The following DPP9 variants were observed in gnomAD, a reference collection of about 807,000 sequenced individuals.
DPP9 encodes the protein dipeptidyl peptidase IV-related protein-2.
DPP9 carries 50 observed loss-of-function variants against 110.7 expected under a neutral mutation model. The observed-to-expected ratio is 0.45, with a 90% CI of 0.36 to 0.57. The LOEUF (loss-of-function observed/expected upper bound fraction) is 0.57. DPP9 is among the 20% of genes least tolerant of loss of function. The pLI, the probability that DPP9 is intolerant of heterozygous loss-of-function variation, is 0.00. For missense variants in DPP9, 1,022 were observed against 1,217.9 expected (o/e 0.84, Z 2.39); for synonymous variants, 561 against 514.4 (o/e 1.09, Z -1.23).
At position 4,676,511 on chromosome 19, in the gene DPP9, C is replaced by A. The variant is rs1286027985; in HGVS notation, c.*53G>T. 10 of 1,485,390 alleles carry A rather than the reference C, an allele frequency of 6.7e-6. No individual in the cohort carries two copies. The African/African-American group carries it at 1.3e-4, about 19-fold the overall frequency. The allele number at this position is 1,485,390 out of a possible 1,614,324, so 92.0% of individuals were successfully genotyped here. On this transcript the variant is annotated 3_prime_UTR_variant, in exon 22 of 22. Transcript: ENST00000262960. This position sits in a 1 kb window ranked among gnomAD's most constrained non-coding sequence, Gnocchi z 4.0. ...ACTCAGTCCCTCCCGCCTGGTTCCC[C>A]GCGGAGGCTGCAGCCACTTGTGCTG...
intron 16 of DPP9, chr19:4,686,030 G>A (rs755088415): frequency 8.1e-5 from 34 of 417,564 alleles, no homozygotes; most frequent in Non-Finnish European, 1.4e-4. Flanking sequence ...CTCCCACCTC[G>A]GCCTCCTGTG....
intron 8 of DPP9, 61 bp from the exon 9 acceptor site, chr19:4,702,216 A>G (rs1599917974): frequency 1.3e-6 from 2 of 1,540,988 alleles, no homozygotes; most frequent in Non-Finnish European, 8.8e-7. Context: ...TGCCATCAGC[A>G]CCCCCCGCCC....
At chr19:4,723,521 G>A (rs930489467) in intron 1 of DPP9, among the ~76,000 whole-genome samples, 153 bp downstream of exon 1, 1 of 152,206 alleles carries the variant, frequency 6.6e-6, no homozygotes, top group Non-Finnish European at 1.5e-5. Flanking sequence ...ACGAGGCAGG[G>A]GGCCGGAGGG....
rs1225504183 is a variant in DPP9, at chr19:4,694,986, AAAAT to A, written c.1354-167_1354-164del. 4.6e-6 allele frequency: 3 copies of A among 649,542 alleles called. No individual in the cohort carries two copies. The highest frequency in any genetic ancestry group is 1.8e-5 in the African/African-American group (1 of 54,744). 40.2% of individuals were successfully genotyped at this position (649,542 alleles called of 1,614,324 possible). A position where few individuals can be genotyped will look rare whatever the true frequency, so the allele number is the denominator to read the frequency against. Reference sequence around the variant, plus strand: ...ACAACATAGTAAGACCCCACCTCTAAAAATAAATAAATAAATTAGCCAGGCATGG... The same window carrying A: ...ACAACATAGTAAGACCCCACCTCTAAAAATAAATAAATTAGCCAGGCATGG... On this transcript the variant is annotated intron_variant, in intron 12 of 21. Coordinates refer to ENST00000262960, the MANE Select transcript of DPP9 (RefSeq NM_139159.5). This position sits in a 1 kb window ranked among gnomAD's most constrained non-coding sequence, Gnocchi z 4.0.
In DPP9 at chr19:4,698,549, C is replaced by T. The variant is rs900095548; in HGVS notation, c.1075-898G>A. Reference sequence around the variant, plus strand: ...GGTGGATCACTTGAGGTCAGGAGTTCGAGACCAGCCTGGGGAACATGGCAA... The same window carrying T: ...GGTGGATCACTTGAGGTCAGGAGTTTGAGACCAGCCTGGGGAACATGGCAA... On this transcript the variant is annotated intron_variant, in intron 10 of 21. Coordinates refer to ENST00000262960, the MANE Select transcript of DPP9 (RefSeq NM_139159.5). The surrounding 1 kb of genome is among the most constrained non-coding windows in gnomAD (Gnocchi z 4.2). 5.3e-5 allele frequency among the ~76,000 whole-genome samples: 8 copies of T among 151,652 alleles called. No individual in the cohort carries two copies. The East Asian group carries it at 7.8e-4, about 15-fold the overall frequency.
At chr19:4,708,475 G>A (rs1017798668) in intron 4 of DPP9, among the ~76,000 whole-genome samples, 2 of 152,204 alleles carry the variant, frequency 1.3e-5, no homozygotes, top group Non-Finnish European at 2.9e-5. Context: ...TGTAGCTGTG[G>A]GTTCAGTGGG....
chr19:4,687,162 G>A lies in DPP9; in HGVS notation c.1886-1391C>T, dbSNP rs894890324. 6.6e-6 allele frequency among the ~76,000 whole-genome samples: 1 copy of A among 152,192 alleles called. No individual in the cohort carries two copies. Among genetic ancestry groups the A allele is most frequent in the Non-Finnish European group, 1.5e-5 (1 of 68,038 alleles). ...CCTGGCGGTGTCGGTGCGGACAGGA[G>A]AGTGAGGACTGGGCTCTAGAGGGAG... On this transcript the variant is annotated intron_variant, in intron 16 of 21. Transcript: ENST00000262960. This position sits in a 1 kb window ranked among gnomAD's most constrained non-coding sequence, Gnocchi z 4.7.
In DPP9 at chr19:4,685,897, G is replaced by A. The variant is rs1239036959; in HGVS notation, c.1886-126C>T. ...CACCCCCTCTTTTCCTGGGCTTCCC[G>A]AGAGTTGATAATTGAAAAAAACGTT... On this transcript the variant is annotated intron_variant, in intron 16 of 21. Transcript: ENST00000262960. This position sits in a 1 kb window ranked among gnomAD's most constrained non-coding sequence, Gnocchi z 5.8. 4.3e-6 allele frequency: 5 copies of A among 1,157,312 alleles called. No individual in the cohort carries two copies. Among genetic ancestry groups the A allele is most frequent in the South Asian group, 3.1e-5 (2 of 63,672 alleles). 71.7% of individuals were successfully genotyped at this position (1,157,312 alleles called of 1,614,324 possible).
Position 4,700,214 on chromosome 19 carries a change from A to G in DPP9, c.1074+2T>C. Reference sequence around the variant, plus strand: ...TATCTGGTATGCAGCAGGCCCCCTTACCTTGCCCTGGCTGTCAGTCTGGAA... The same window carrying G: ...TATCTGGTATGCAGCAGGCCCCCTTGCCTTGCCCTGGCTGTCAGTCTGGAA... On this transcript the variant is annotated splice_donor_variant, in intron 10 of 21. Coordinates refer to ENST00000262960, the MANE Select transcript of DPP9 (RefSeq NM_139159.5). LOFTEE classifies it high-confidence loss of function. This position sits in a 1 kb window ranked among gnomAD's most constrained non-coding sequence, Gnocchi z 4.3. The G allele has an allele frequency of 6.3e-7, 1 of 1,578,884 alleles. No homozygotes were observed. Among genetic ancestry groups the G allele is most frequent in the South Asian group, 1.1e-5 (1 of 87,418 alleles).
In DPP9 at chr19:4,677,190, C is replaced by T. The variant is rs73539510; in HGVS notation, c.2587-534G>A. ...GAGGCAGGCAGTAACATGGAACTCC[C>T]CAGGCTCCTGAGACCTGGACCAGCC... is the stretch of plus-strand genomic sequence containing the variant. On this transcript the variant is annotated intron_variant, in intron 21 of 21. Transcript: ENST00000262960. Among the ~76,000 whole-genome samples the T allele has an allele frequency of 3.9e-3, 590 of 152,254 alleles. 6 individuals carry two copies. The highest frequency in any genetic ancestry group is 0.013 in the African/African-American group (558 of 41,538).
chr19:4,685,787 C>A lies in DPP9; in HGVS notation c.1886-16G>T. On this transcript the variant is annotated splice_polypyrimidine_tract_variant and intron_variant, in intron 16 of 21. Coordinates refer to ENST00000262960, the MANE Select transcript of DPP9 (RefSeq NM_139159.5). This position sits in a 1 kb window ranked among gnomAD's most constrained non-coding sequence, Gnocchi z 5.8. ...GGGGGGCAGCCTGCGGGAGACAGGGCGGCTATCTGGCTGCCCGGGGAAGCC... is the reference window on the plus strand; with the variant it reads ...GGGGGGCAGCCTGCGGGAGACAGGGAGGCTATCTGGCTGCCCGGGGAAGCC... 1.2e-6 allele frequency: 2 copies of A among 1,610,142 alleles called. No individual in the cohort carries two copies. Among genetic ancestry groups the A allele is most frequent in the Non-Finnish European group, 1.7e-6 (2 of 1,178,866 alleles).
chr19:4,719,655 C>T (rs1177920973), intron 3 of DPP9, 196 bp downstream of exon 3: 30 of 650,142 alleles, frequency 4.6e-5, no homozygotes, highest in Middle Eastern at 4.1e-4. Flanking sequence ...CCAGCCCCAG[C>T]GTCCACAGTG....
chr19:4,688,875 G>T lies in DPP9; in HGVS notation c.1767C>A (p.Val589=). 6.6e-7 allele frequency: 1 copy of T among 1,522,622 alleles called. No individual in the cohort carries two copies. 94.3% of individuals were successfully genotyped at this position (1,522,622 alleles called of 1,614,324 possible). The change falls in exon 16 of 22, where the codon GTC becomes GTA. Residue 589 remains valine (V), a synonymous_variant. Transcript: ENST00000262960. ...GCGTGCTCACGCTGCTGTAGTGGCT[G>T]ACGAACATGTCGAAGTTCTGGGGGT... ...CSMSQNFDMF[V]SHYSSVSTPP... is the part of the protein sequence containing the mutation.
At chr19:4,691,201 C>T (rs536940960) in intron 13 of DPP9, among the ~76,000 whole-genome samples, 6 of 152,208 alleles carry the variant, frequency 3.9e-5, no homozygotes, top group South Asian at 4.1e-4. Flanking sequence ...ACCAGGAGAC[C>T]CGTGGCTCAC....
At chr19:4,703,505 G>A (rs1168067080) in intron 7 of DPP9, among the ~76,000 whole-genome samples, 3 of 151,156 alleles carry the variant, frequency 2.0e-5, no homozygotes, top group Non-Finnish European at 4.4e-5. Context: ...GCGTGGTGGC[G>A]GGCACCTGTA....
At chr19:4,716,574 T>C (rs907379671) in intron 3 of DPP9, among the ~76,000 whole-genome samples, 2 of 151,752 alleles carry the variant, frequency 1.3e-5, no homozygotes, top group East Asian at 1.9e-4. Context: ...GAGGCGGAGC[T>C]TGCAGTGAGC....
chr19:4,707,879 G>C (rs1401529197), intron 4 of DPP9, among the ~76,000 whole-genome samples: 2 of 152,042 alleles, frequency 1.3e-5, no homozygotes, highest in African/African-American at 4.8e-5. Flanking sequence ...GCCCACCTTG[G>C]CCTCCCAAAA....
intron 3 of DPP9, chr19:4,716,191 C>T (rs10401938): frequency 0.03 from 4,626 of 152,274 alleles, 278 homozygotes; most frequent in African/African-American, 0.11. Flanking sequence ...ATGAGTGGGC[C>T]GCCTTGACTC....
Position 4,682,827 on chromosome 19 carries a change from C to T in DPP9, c.2343G>A (p.Ala781=), listed in dbSNP as rs372601395. The change falls in exon 20 of 22, where the codon GCG becomes GCA. Residue 781 remains alanine, a synonymous_variant. Coordinates refer to ENST00000262960, the MANE Select transcript of DPP9 (RefSeq NM_139159.5). This position sits in a 1 kb window ranked among gnomAD's most constrained non-coding sequence, Gnocchi z 7.1. ...HKPQVFKVAI[A]GAPVTVWMAY... is the part of the protein sequence containing the mutation. ...CCATCCAGACGGTGACCGGGGCACCCGCGATGGCCACCTGAGGGACACAGC... is the reference window on the plus strand; with the variant it reads ...CCATCCAGACGGTGACCGGGGCACCTGCGATGGCCACCTGAGGGACACAGC... 8.8e-5 allele frequency: 140 copies of T among 1,585,048 alleles called. No homozygotes were observed. The highest frequency in any genetic ancestry group is 1.1e-4 in the Non-Finnish European group (131 of 1,166,478).
Sources: gnomAD v4.1 joint callset for allele counts (sites outside exome capture counted in the v4.1 genomes callset) on GRCh38, gnomAD v4.1.1 for gene constraint, Gnocchi (gnomAD v3.1) non-coding constraint, MANE v1.5 for transcripts, NCBI Gene and HGNC (gene_info 2026-07-23, HGNC 2026-07-21) for gene names.